Variants in KIF26B observed in about 807,000 individuals in gnomAD.
The protein encoded by KIF26B is kinesin family member 26B, also known as kinesin-like protein KIF26B.
A neutral mutation model predicts 151.2 loss-of-function variants in KIF26B; 63 were observed. The ratio of observed to expected loss-of-function variants is 0.42; its 90% CI spans 0.34 to 0.51. KIF26B has a LOEUF of 0.51. Ranked by LOEUF, KIF26B falls within the 20% of genes least tolerant of loss-of-function variation. KIF26B has a pLI of 0.07. For synonymous variants in KIF26B, 1,357 were observed against 1,262.1 expected, an observed-to-expected ratio of 1.08 and a Z score of -1.59; for missense variants, 2,813 against 2,913.6, an observed-to-expected ratio of 0.97 and a Z score of 0.79.
intron 4 of KIF26B, among the ~76,000 whole-genome samples, chr1:245,485,099 A>G (rs560661763): frequency 6.6e-6 from 1 of 152,332 alleles, no homozygotes; most frequent in African/African-American, 2.4e-5. Context: ...AAGACATTCT[A>G]CTAAGAAGCC....
intron 2 of KIF26B, among the ~76,000 whole-genome samples, chr1:245,353,486 C>G (rs1299891929): frequency 2.0e-5 from 3 of 152,120 alleles, no homozygotes; most frequent in African/African-American, 7.2e-5. Flanking sequence ...CGGATCGTGG[C>G]ACATCCTTGT....
intron 4 of KIF26B, among the ~76,000 whole-genome samples, chr1:245,473,728 A>G (rs1481349354): frequency 6.6e-6 from 1 of 151,960 alleles, no homozygotes; most frequent in African/African-American, 2.4e-5. Context: ...TATACAACCA[A>G]TTTTATCACA....
At chr1:245,474,574 G>C (rs1337184650) in intron 4 of KIF26B, among the ~76,000 whole-genome samples, 2 of 151,092 alleles carry the variant, frequency 1.3e-5, no homozygotes, top group African/African-American at 4.9e-5. Flanking sequence ...ATCATGCCTG[G>C]CTTATTTTTT....
At chr1:245,636,937 T>G (rs1397472393) in intron 9 of KIF26B, among the ~76,000 whole-genome samples, 2 of 152,022 alleles carry the variant, frequency 1.3e-5, no homozygotes, top group East Asian at 3.9e-4. Flanking sequence ...CTTAGACTGA[T>G]TCTATATTTT....
chr1:245,534,639 G>GT (rs1661450192), intron 4 of KIF26B, among the ~76,000 whole-genome samples: 1 of 152,088 alleles, frequency 6.6e-6, no homozygotes, highest in Admixed American at 6.5e-5. Flanking sequence ...AAGACAAGTA[G>GT]TTTTTAAGTT....
At chr1:245,183,311 T>TGA in intron 2 of KIF26B, among the ~76,000 whole-genome samples, 1 of 152,360 alleles carries the variant, frequency 6.6e-6, no homozygotes. Context: ...TTCTGTTTGA[T>TGA]GAGATCCAGT....
chr1:245,159,828 A>G (rs929287650), intron 2 of KIF26B, among the ~76,000 whole-genome samples: 2 of 152,144 alleles, frequency 1.3e-5, no homozygotes, highest in Non-Finnish European at 2.9e-5. Flanking sequence ...TGGTGGCCTG[A>G]GAAGAACCAT....
At chr1:245,373,506 GA>G (rs1261078448) in intron 3 of KIF26B, among the ~76,000 whole-genome samples, 1 of 152,222 alleles carries the variant, frequency 6.6e-6, no homozygotes, top group Non-Finnish European at 1.5e-5. Context: ...AGAAAATTCA[GA>G]AGATGTTAGC....
At chr1:245,610,265 C>T (rs2043505091) in intron 8 of KIF26B, among the ~76,000 whole-genome samples, 1 of 152,206 alleles carries the variant, frequency 6.6e-6, no homozygotes, top group Non-Finnish European at 1.5e-5. Context: ...GAGGATACCT[C>T]CCGTGGCCTG....
chr1:245,685,905 CTCTGAG>C lies in KIF26B; in HGVS notation c.2928_2933del (p.Glu976_Ser977del). On this transcript the variant is annotated inframe_deletion, in exon 12 of 15. Coordinates refer to ENST00000407071, the MANE Select transcript of KIF26B (RefSeq NM_018012.4). ...GCCAAGCAGCGGGGGCAAGCCCACT[CTCTGAG>C]TCTGATAAGGAAGATAATGGGTCCG... 1 of 1,613,120 alleles carries C rather than the reference CTCTGAG, an allele frequency of 6.2e-7. No individual in the cohort carries two copies. Among genetic ancestry groups the C allele is most frequent in the Non-Finnish European group, 8.5e-7 (1 of 1,179,768 alleles).
intron 2 of KIF26B, among the ~76,000 whole-genome samples, chr1:245,305,909 C>G (rs1466464568): frequency 7.4e-6 from 1 of 135,142 alleles, no homozygotes; most frequent in African/African-American, 2.8e-5. Context: ...TGCACTCCAG[C>G]CTGGGTGACA....
At chr1:245,520,081 G>A (rs528390132) in intron 4 of KIF26B, among the ~76,000 whole-genome samples, 4 of 135,966 alleles carry the variant, frequency 2.9e-5, no homozygotes, top group South Asian at 2.5e-4. Context: ...TTAAATTTTC[G>A]TAGTGTAAAC....
chr1:245,493,179 C>T (rs543237249), intron 4 of KIF26B, among the ~76,000 whole-genome samples: 24 of 152,272 alleles, frequency 1.6e-4, no homozygotes, highest in African/African-American at 5.3e-4. Context: ...TGAAAAGCCA[C>T]GCCCCTATCC....
At chr1:245,535,097 A>T (rs2103099351) in intron 4 of KIF26B, among the ~76,000 whole-genome samples, 1 of 152,178 alleles carries the variant, frequency 6.6e-6, no homozygotes, top group Non-Finnish European at 1.5e-5. Flanking sequence ...TTACCTTTTC[A>T]ATTCTCTCAT....
intron 2 of KIF26B, among the ~76,000 whole-genome samples, chr1:245,349,205 A>C (rs2102999603): frequency 6.6e-6 from 1 of 152,198 alleles, no homozygotes; most frequent in African/African-American, 2.4e-5. Flanking sequence ...GTCTTTCAAA[A>C]CTCCATGTGC....
rs780481584 is a variant in KIF26B at position 245,155,145 on chromosome 1, G to T, written c.-280G>T. The T allele has an allele frequency of 1.8e-4, 98 of 548,112 alleles. No individual in the cohort carries two copies. Among genetic ancestry groups the T allele is most frequent in the Non-Finnish European group, 2.6e-4 (83 of 317,356 alleles). 34.0% of individuals were successfully genotyped at this position (548,112 alleles called of 1,614,324 possible). ...AGAAAATGCCAGTTCTGTGGATGTGGCCGTGACAAGAGGACGTGCGGCTGG... is the reference window on the plus strand; with the variant it reads ...AGAAAATGCCAGTTCTGTGGATGTGTCCGTGACAAGAGGACGTGCGGCTGG... On this transcript the variant is annotated 5_prime_UTR_variant, in exon 1 of 15. Coordinates refer to ENST00000407071, the MANE Select transcript of KIF26B (RefSeq NM_018012.4).
chr1:245,373,920 C>T (rs1359739597), intron 3 of KIF26B, among the ~76,000 whole-genome samples: 4 of 149,608 alleles, frequency 2.7e-5, no homozygotes, highest in Non-Finnish European at 5.9e-5. Context: ...ATCAGCCAGG[C>T]GTGGTGGCAT....
At chr1:245,573,181 C>T (rs1018428583) in intron 5 of KIF26B, among the ~76,000 whole-genome samples, 1 of 152,124 alleles carries the variant, frequency 6.6e-6, no homozygotes, top group African/African-American at 2.4e-5. Context: ...AATTAAAATG[C>T]TGATTTTTCA....
rs1270782610 is a variant in KIF26B, at chr1:245,688,454, G to C, written c.5471G>C (p.Arg1824Pro). Residue 1824 changes from arginine to proline, a missense_variant, in exon 12 of 15, where the codon CGG (arginine) becomes CCG (proline). By Grantham distance (103) the Arg-to-Pro change is moderately radical. Transcript: ENST00000407071. ...GGAGARGLQL[R>P]AGPEAEARGG... ...GCGGGCGCCCGGGGCTTGCAGCTGC[G>C]GGCCGGGCCCGAGGCGGAGGCGCGC... 2 of 1,343,898 alleles carry C rather than the reference G, an allele frequency of 1.5e-6. No homozygotes were observed. The highest frequency in any genetic ancestry group is 1.5e-5 in the African/African-American group (1 of 65,114). 83.2% of individuals were successfully genotyped at this position (1,343,898 alleles called of 1,614,324 possible). A position where few individuals can be genotyped will look rare whatever the true frequency, so the allele number is the denominator to read the frequency against.
Sources: gnomAD v4.1 joint callset for allele counts (sites outside exome capture counted in the v4.1 genomes callset) on GRCh38, gnomAD v4.1.1 for gene constraint, MANE v1.5 for transcripts, NCBI Gene and HGNC (gene_info 2026-07-23, HGNC 2026-07-21) for gene names.